The following LRRK1 variants were observed in gnomAD, a reference collection of about 807,000 sequenced individuals.
LRRK1 encodes leucine-rich repeat serine/threonine-protein kinase 1.
LRRK1 carries 113 observed loss-of-function variants against 209.1 expected under a neutral mutation model. That is an observed-to-expected ratio of 0.54 (90% CI 0.46 to 0.63). The LOEUF is 0.63. Among genes scored for constraint, LRRK1 ranks in the 30% least tolerant of loss-of-function variants. LRRK1 has a pLI of 0.00. For synonymous variants in LRRK1, 1,144 were observed against 1,099.7 expected (o/e 1.04, Z -0.80); for missense variants, 2,284 against 2,632.2 (o/e 0.87, Z 2.89).
At chr15:100,965,332 A>T (rs2030383798) in intron 2 of LRRK1, among the ~76,000 whole-genome samples, 1 of 152,230 alleles carries the variant, frequency 6.6e-6, no homozygotes, top group African/African-American at 2.4e-5. Flanking sequence ...GTATTTCTTT[A>T]AAAATAGTAT....
At chr15:100,960,992 G>T (rs768554582) in intron 2 of LRRK1, among the ~76,000 whole-genome samples, 2 of 152,186 alleles carry the variant, frequency 1.3e-5, no homozygotes, top group Non-Finnish European at 2.9e-5. Context: ...TTTGGCTGTT[G>T]TCTTAGTTCG....
At chr15:100,937,525 T>TA (rs1343251248) in intron 2 of LRRK1, among the ~76,000 whole-genome samples, 14 of 138,628 alleles carry the variant, frequency 1.0e-4, no homozygotes, top group South Asian at 2.2e-4. Flanking sequence ...ATTTATTTAT[T>TA]TATTATTTTA....
At chr15:101,065,328 C>A in intron 31 of LRRK1, 24 bp from the exon 32 acceptor site, 1 of 1,604,058 alleles carries the variant, frequency 6.2e-7, no homozygotes, top group Non-Finnish European at 8.5e-7. Context: ...AAGGATGTGA[C>A]ACATCCCTGT....
In LRRK1 at chr15:100,973,909, G is replaced by C. The variant is rs1054604781; in HGVS notation, c.203G>C (p.Gly68Ala). The C allele has an allele frequency of 7.9e-7, 1 of 1,268,128 alleles. No homozygotes were observed. Among genetic ancestry groups the C allele is most frequent in the Non-Finnish European group, 1.0e-6 (1 of 1,001,452 alleles). The allele number at this position is 1,268,128 out of a possible 1,614,324, so 78.6% of individuals were successfully genotyped here. The change falls in exon 3 of 34, where the codon GGC (glycine) becomes GCC (alanine). Residue 68 changes from glycine to alanine, a missense_variant. Gly to Ala is a moderately conservative substitution (Grantham distance 60). This residue lies in a region of LRRK1 where 174 missense variants were observed against 133.5 expected (regional missense o/e 1.30). Transcript: ENST00000388948. ...IRAAYRRGDRGGARDLLEEAC... is the reference protein window; with the variant it reads ...IRAAYRRGDRAGARDLLEEAC... ...GCCGCGTACAGGCGGGGAGACCGCG[G>C]CGGCGCCCGGGACCTGCTGGAGGAG...
chr15:100,983,085 G>T (rs114895863), intron 3 of LRRK1, among the ~76,000 whole-genome samples: 1 of 152,136 alleles, frequency 6.6e-6, no homozygotes, highest in African/African-American at 2.4e-5. Flanking sequence ...TGAGGCAGGG[G>T]GATCACTTTA....
At chr15:100,996,016 A>G (rs2032391582) in intron 6 of LRRK1, among the ~76,000 whole-genome samples, 3 of 152,216 alleles carry the variant, frequency 2.0e-5, no homozygotes, top group Non-Finnish European at 4.4e-5. Context: ...GCACATCCTC[A>G]GGGTTAAGGC....
chr15:101,041,523 G>C (rs757608972), intron 20 of LRRK1, among the ~76,000 whole-genome samples: 1 of 151,984 alleles, frequency 6.6e-6, no homozygotes, highest in Non-Finnish European at 1.5e-5. Context: ...CATTCTTCCT[G>C]GTACTGTGTT....
At chr15:101,061,396 T>C in intron 30 of LRRK1, 108 bp downstream of exon 30, 2 of 728,260 alleles carry the variant, frequency 2.7e-6, no homozygotes, top group Non-Finnish European at 4.7e-6. Flanking sequence ...TCAAGTGAAC[T>C]TTCAGATAAC....
Position 101,015,459 on chromosome 15 carries a change from C to T in LRRK1, c.1609+57C>T, listed in dbSNP as rs987949146. 24 of 1,334,336 alleles carry T rather than the reference C, an allele frequency of 1.8e-5. No individual in the cohort carries two copies. The African/African-American group carries it at 3.2e-4, about 18-fold the overall frequency. 82.7% of individuals were successfully genotyped at this position (1,334,336 alleles called of 1,614,324 possible). ...ATGAGACAGCCGGGGTAGCCTGGTT[C>T]CTGCTCCACCAAAGTGGGGATCGCC... On this transcript the variant is annotated intron_variant, in intron 12 of 33. Transcript: ENST00000388948.
At chr15:100,969,071 C>T (rs1002878204) in intron 2 of LRRK1, among the ~76,000 whole-genome samples, 2 of 152,160 alleles carry the variant, frequency 1.3e-5, no homozygotes, top group East Asian at 1.9e-4. Flanking sequence ...AACTCCTAGG[C>T]TCAATGGATA....
chr15:101,028,084 TCAAA>T (rs2034122292), intron 19 of LRRK1, among the ~76,000 whole-genome samples: 1 of 150,706 alleles, frequency 6.6e-6, no homozygotes, highest in East Asian at 2.0e-4. Context: ...GAGACAGAGG[TCAAA>T]CAGTTACAAT....
intron 29 of LRRK1, among the ~76,000 whole-genome samples, chr15:101,059,439 C>A (rs914936924): frequency 2.0e-5 from 3 of 148,132 alleles, no homozygotes. Context: ...CGATGGAGCA[C>A]GCCTTCCTGA....
chr15:100,982,704 C>A lies in LRRK1; in HGVS notation c.262-824C>A, dbSNP rs181232780. On this transcript the variant is annotated intron_variant, in intron 3 of 33. Transcript: ENST00000388948. ...GTGTGTCACATTCCATTTATGAATA[C>A]ATTGCAGGATGGTTCTTCAGAGAGC... is the stretch of plus-strand genomic sequence containing the variant. Among the ~76,000 whole-genome samples, 1,189 of 152,276 alleles carry A rather than the reference C, an allele frequency of 7.8e-3. 17 individuals carry two copies. The highest frequency in any genetic ancestry group is 0.028 in the African/African-American group (1,143 of 41,540).
At chr15:100,989,730 C>T (rs2032055206) in intron 6 of LRRK1, 2 of 416,686 alleles carry the variant, frequency 4.8e-6, no homozygotes, top group African/African-American at 2.0e-5. Flanking sequence ...ATGGTCCCAT[C>T]CTTATCACAA....
intron 2 of LRRK1, among the ~76,000 whole-genome samples, chr15:100,962,583 G>A (rs2141636912): frequency 6.6e-6 from 1 of 151,112 alleles, no homozygotes; most frequent in African/African-American, 2.4e-5. Flanking sequence ...CTGCTGAAGG[G>A]GACGGCTACT....
chr15:101,058,501 C>CTA (rs2035945837), intron 29 of LRRK1, among the ~76,000 whole-genome samples: 1 of 150,170 alleles, frequency 6.7e-6, no homozygotes, highest in African/African-American at 2.4e-5. Flanking sequence ...AGCAAGACCC[C>CTA]ATCTTTTAAA....
chr15:100,924,654 C>A lies in LRRK1; in HGVS notation c.22C>A (p.Pro8Thr). The A allele has an allele frequency of 6.2e-7, 1 of 1,613,992 alleles. No homozygotes were observed. Among genetic ancestry groups the A allele is most frequent in the Non-Finnish European group, 8.5e-7 (1 of 1,179,920 alleles). ...GTTGATGGCTGGCATGTCGCAAAGA[C>A]CCCCCAGCATGTACTGGTGTGTGGG... MAGMSQR[P>T]PSMYWCVGPE... The change falls in exon 2 of 34, where the codon CCC becomes ACC. Residue 8 changes from proline to threonine, a missense_variant. By Grantham distance (38) the Pro-to-Thr change is conservative. Coordinates refer to ENST00000388948, the MANE Select transcript of LRRK1 (RefSeq NM_024652.6).
At chr15:101,021,806 GTGTGTGTA>G (rs767886890) in intron 13 of LRRK1, 31 bp from the exon 14 acceptor site, 9 of 639,136 alleles carry the variant, frequency 1.4e-5, no homozygotes, top group South Asian at 5.4e-5. Context: ...GTGTGTGTGT[GTGTGTGTA>G]TTCTCTCGTG....
chr15:101,058,557 C>A (rs978264086), intron 29 of LRRK1, among the ~76,000 whole-genome samples: 2 of 136,484 alleles, frequency 1.5e-5, no homozygotes, highest in African/African-American at 2.7e-5. Flanking sequence ...TGAGGCCTGT[C>A]GGCCTGGTTA....
Sources: gnomAD v4.1 joint callset for allele counts (sites outside exome capture counted in the v4.1 genomes callset) on GRCh38, gnomAD v4.1.1 for gene constraint, gnomAD v4.1.1 regional missense constraint, MANE v1.5 for transcripts, NCBI Gene and HGNC (gene_info 2026-07-23, HGNC 2026-07-21) for gene names.